Variants in ARHGEF4 observed in about 807,000 individuals in gnomAD.
ARHGEF4 encodes the protein APC-stimulated guanine nucleotide exchange factor 1.
In ARHGEF4, 119 loss-of-function variants were observed where a neutral mutation model predicts 162.0. The observed-to-expected ratio is 0.73, with a 90% CI of 0.63 to 0.86. The LOEUF is 0.86. ARHGEF4 is among the 40% of genes least tolerant of loss of function. The pLI is 0.00. For synonymous variants in ARHGEF4, 1,014 were observed against 979.9 expected (o/e 1.03, Z -0.65); for missense variants, 2,488 against 2,456.0 (o/e 1.01, Z -0.28).
At chr2:130,918,956 A>G (rs1681701725) in intron 2 of ARHGEF4, among the ~76,000 whole-genome samples, 1 of 152,232 alleles carries the variant, frequency 6.6e-6, no homozygotes. Context: ...CATGCAAGGA[A>G]ACACTGCCCT....
intron 5 of ARHGEF4, among the ~76,000 whole-genome samples, chr2:131,030,857 A>G (rs1342373287): frequency 1.3e-5 from 2 of 152,222 alleles, no homozygotes; most frequent in African/African-American, 2.4e-5. Context: ...CGCCAGAAGC[A>G]TTAAGTGGAC....
rs551291325 is a variant in ARHGEF4 at position 130,859,402 on chromosome 2, T to A, written c.39+22410T>A. On this transcript the variant is annotated intron_variant, in intron 1 of 13. Coordinates refer to ENST00000409359, the MANE Select transcript of ARHGEF4 (RefSeq NM_001367493.1). ...GAGTCCATCTCAAAAAAAAAAAAAA[T>A]TTCAAATCAAATTGTGTATCTGATA... 3.0e-3 allele frequency among the ~76,000 whole-genome samples: 304 copies of A among 99,722 alleles called. 21 individuals are homozygous for A. Among genetic ancestry groups the A allele is most frequent in the African/African-American group, 7.3e-3 (264 of 36,402 alleles). 65.4% of individuals were successfully genotyped at this position (99,722 alleles called of 152,430 possible).
intron 4 of ARHGEF4, among the ~76,000 whole-genome samples, chr2:130,999,741 C>T (rs894159542): frequency 1.3e-5 from 2 of 151,612 alleles, no homozygotes; most frequent in African/African-American, 4.9e-5. Context: ...TTGCTCTTGT[C>T]GCCCAGGCTG....
intron 5 of ARHGEF4, among the ~76,000 whole-genome samples, chr2:131,032,848 C>CTTTTTTTTTTTT (rs111971610): frequency 3.1e-5 from 4 of 128,618 alleles, no homozygotes; most frequent in Admixed American, 1.6e-4. Flanking sequence ...TTTCTTTTTT[C>CTTTTTTTTTTTT]TTTTTTTTTT....
chr2:130,958,027 A>AC (rs1491165903), intron 4 of ARHGEF4, among the ~76,000 whole-genome samples: 1 of 147,294 alleles, frequency 6.8e-6, no homozygotes, highest in Non-Finnish European at 1.5e-5. Context: ...AAAAAAAAAA[A>AC]GAAAGAAGCA....
intron 2 of ARHGEF4, among the ~76,000 whole-genome samples, chr2:130,918,899 GAT>G (rs2105065883): frequency 6.6e-6 from 1 of 152,298 alleles, no homozygotes; most frequent in East Asian, 1.9e-4. Flanking sequence ...AAACAATACA[GAT>G]GTAGAAAGGA....
chr2:131,043,879 CCT>C (rs1558902191), intron 11 of ARHGEF4, among the ~76,000 whole-genome samples: 1 of 152,174 alleles, frequency 6.6e-6, no homozygotes, highest in Non-Finnish European at 1.5e-5. Context: ...CTCCACATCC[CCT>C]CTCTCCAACC....
chr2:130,866,837 T>C (rs1213665289), intron 1 of ARHGEF4, among the ~76,000 whole-genome samples: 1 of 152,224 alleles, frequency 6.6e-6, no homozygotes, highest in Non-Finnish European at 1.5e-5. Flanking sequence ...GTAGTTTTTC[T>C]TTCTTGTAAT....
chr2:130,932,636 G>A (rs1029591969), intron 3 of ARHGEF4, among the ~76,000 whole-genome samples: 2 of 152,104 alleles, frequency 1.3e-5, no homozygotes, highest in Non-Finnish European at 2.9e-5. Flanking sequence ...ACTTAATTTT[G>A]ATGAAATCTA....
intron 5 of ARHGEF4, among the ~76,000 whole-genome samples, chr2:131,034,463 C>A (rs1293095712): frequency 1.3e-5 from 2 of 152,190 alleles, no homozygotes; most frequent in Non-Finnish European, 2.9e-5. Context: ...TCGGACGCTG[C>A]GGTCAGTGAA....
intron 5 of ARHGEF4, among the ~76,000 whole-genome samples, chr2:131,034,433 C>A (rs1382372053): frequency 1.3e-5 from 2 of 152,182 alleles, no homozygotes; most frequent in African/African-American, 4.8e-5. Context: ...CCTGGCTTTT[C>A]CAAAGGAACA....
At chr2:130,876,608 G>T (rs1191466700) in intron 1 of ARHGEF4, among the ~76,000 whole-genome samples, 2 of 152,112 alleles carry the variant, frequency 1.3e-5, no homozygotes, top group Non-Finnish European at 2.9e-5. Flanking sequence ...TAGCCAGGAT[G>T]GTCTCGATCT....
chr2:130,929,307 C>T (rs1682483323), intron 2 of ARHGEF4, among the ~76,000 whole-genome samples: 1 of 152,236 alleles, frequency 6.6e-6, no homozygotes, highest in African/African-American at 2.4e-5. Flanking sequence ...AGTCTTACTT[C>T]CCAGGCTGTA....
rs186856044 is a variant in ARHGEF4 at position 130,841,125 on chromosome 2, C to T, written c.39+4133C>T. ...TGTCACCCAGGCTGGAATGCAGTGG[C>T]GCGATTTCAGCTCACTGCAACCTCC... On this transcript the variant is annotated intron_variant, in intron 1 of 13. Transcript: ENST00000409359. Among the ~76,000 whole-genome samples, 8 of 152,228 alleles carry T rather than the reference C, an allele frequency of 5.3e-5. No individual in the cohort carries two copies. The East Asian group carries it at 7.7e-4, about 15-fold the overall frequency.
chr2:130,914,038 A>C lies in ARHGEF4; in HGVS notation c.92A>C (p.Gln31Pro). 1 of 1,536,134 alleles carries C rather than the reference A, an allele frequency of 6.5e-7. No individual in the cohort carries two copies. Among genetic ancestry groups the C allele is most frequent in the Non-Finnish European group, 8.7e-7 (1 of 1,146,912 alleles). Residue 31 changes from glutamine (Q) to proline (P), a missense_variant, in exon 2 of 14, where the codon CAG becomes CCG. By Grantham distance (76) the Gln-to-Pro change is moderately conservative (BLOSUM62 -1). Coordinates refer to ENST00000409359, the MANE Select transcript of ARHGEF4 (RefSeq NM_001367493.1). ...LPGEGEIEDN[Q>P]LPTSPAEQVE... ...GGTGAAGGTGAGATTGAAGATAACC[A>C]GCTCCCCACATCCCCTGCAGAACAA...
intron 1 of ARHGEF4, among the ~76,000 whole-genome samples, chr2:130,852,183 C>T (rs1276693244): frequency 6.6e-6 from 1 of 152,242 alleles, no homozygotes; most frequent in Non-Finnish European, 1.5e-5. Flanking sequence ...GCAGGCCCTC[C>T]CTTCTGACGA....
At chr2:130,843,421 G>T (rs995565912) in intron 1 of ARHGEF4, among the ~76,000 whole-genome samples, 15 of 152,252 alleles carry the variant, frequency 9.9e-5, no homozygotes, top group Non-Finnish European at 1.9e-4. Context: ...TGGAGTGGGT[G>T]GGGCAGACCC....
In ARHGEF4 at chr2:131,041,917, G is replaced by A. The variant is rs753830999; in HGVS notation, c.4998G>A (p.Gln1666=). Reference sequence around the variant, plus strand: ...TTGAGAACATCGACAAGATTGCTCAGTGGCAGAGCTCCATAGAGGACTGGG... The same window carrying A: ...TTGAGAACATCGACAAGATTGCTCAATGGCAGAGCTCCATAGAGGACTGGG... ...RRLENIDKIA[Q]WQSSIEDWEG... The change falls in exon 10 of 14, where the codon CAG becomes CAA. Residue 1666 remains glutamine, a synonymous_variant. Transcript: ENST00000409359. 6.2e-7 allele frequency: 1 copy of A among 1,613,626 alleles called. No individual in the cohort carries two copies.
chr2:130,848,080 C>T (rs1311728774), intron 1 of ARHGEF4, among the ~76,000 whole-genome samples: 1 of 152,228 alleles, frequency 6.6e-6, no homozygotes, highest in Non-Finnish European at 1.5e-5. Flanking sequence ...GGGGCCTCTG[C>T]CCAGGTGGGC....
Sources: allele counts gnomAD v4.1 joint callset (sites outside exome capture counted in the v4.1 genomes callset), GRCh38; gene constraint gnomAD v4.1.1; transcripts MANE v1.5; gene names NCBI Gene and HGNC (gene_info 2026-07-23, HGNC 2026-07-21).